Variants in SUMF1 observed in about 807,000 individuals in gnomAD.
The protein encoded by SUMF1 is sulfatase modifying factor 1.
A neutral mutation model predicts 47.6 loss-of-function variants in SUMF1; 48 were observed. The observed-to-expected ratio is 1.01, with a 90% CI of 0.80 to 1.28. The LOEUF is 1.28. SUMF1 is among the 50% of genes most tolerant of loss of function. The pLI is 0.00. For synonymous variants in SUMF1, 230 were observed against 192.1 expected (o/e 1.20, Z -1.63); for missense variants, 571 against 485.4 (o/e 1.18, Z -1.66).
intron 7 of SUMF1, among the ~76,000 whole-genome samples, chr3:4,404,653 AC>A (rs1481042225): frequency 1.3e-5 from 2 of 152,182 alleles, no homozygotes; most frequent in African/African-American, 4.8e-5. Flanking sequence ...AATCCCAGCT[AC>A]TTGCGAGGCT....
At chr3:4,392,615 G>GTGTATA (rs1433132957) in intron 7 of SUMF1, among the ~76,000 whole-genome samples, 218 of 96,090 alleles carry the variant, frequency 2.3e-3, no homozygotes, top group African/African-American at 6.5e-3. Flanking sequence ...GTGTGTGTGT[G>GTGTATA]TATATATATA....
chr3:4,150,952 C>T lies in SUMF1; in HGVS notation c.1015-82207G>A, dbSNP rs745689245. 5.9e-5 allele frequency among the ~76,000 whole-genome samples: 9 copies of T among 151,562 alleles called. 1 individual carries two copies. The highest frequency in any genetic ancestry group is 1.5e-4 in the African/African-American group (6 of 40,876). On this transcript the variant is annotated intron_variant and NMD_transcript_variant, in intron 8 of 12. Transcript: ENST00000448413. ...GCCAGCAAACTCTTTCTGCTCTCTT[C>T]GAAAGTGACAGACTATTTCCTCTGG...
At chr3:4,047,041 G>C (rs982680351) in intron 9 of SUMF1, among the ~76,000 whole-genome samples, 1 of 151,894 alleles carries the variant, frequency 6.6e-6, no homozygotes, top group African/African-American at 2.4e-5. Flanking sequence ...CACACCAAAC[G>C]TATTTCTGCC....
At chr3:4,350,592 T>G (rs977079688) in intron 8 of SUMF1, among the ~76,000 whole-genome samples, 2 of 152,118 alleles carry the variant, frequency 1.3e-5, no homozygotes, top group African/African-American at 4.8e-5. Context: ...CTAGGTATAT[T>G]AAAGCTCTGA....
At chr3:4,056,248 A>G (rs1184414739) in intron 9 of SUMF1, among the ~76,000 whole-genome samples, 1 of 152,204 alleles carries the variant, frequency 6.6e-6, no homozygotes, top group East Asian at 1.9e-4. Flanking sequence ...AAAGATTCAC[A>G]CATGTCCCAA....
intron 8 of SUMF1, among the ~76,000 whole-genome samples, chr3:4,181,810 G>A (rs766604754): frequency 9.2e-5 from 14 of 152,034 alleles, no homozygotes; most frequent in Non-Finnish European, 1.3e-4. Context: ...GCAGGCTGAC[G>A]TATGTATCAC....
chr3:4,440,035 A>C (rs1328837828), intron 3 of SUMF1, among the ~76,000 whole-genome samples: 1 of 152,058 alleles, frequency 6.6e-6, no homozygotes, highest in Non-Finnish European at 1.5e-5. Flanking sequence ...GAAATTCGAG[A>C]CCAGCCTAGC....
Position 4,308,767 on chromosome 3 carries a change from C to G in SUMF1, c.1014+67563G>C, listed in dbSNP as rs375240700. On this transcript the variant is annotated intron_variant and NMD_transcript_variant, in intron 8 of 12. Coordinates refer to the SUMF1 transcript ENST00000448413. Reference sequence around the variant, plus strand: ...TCCTGCCTGGTCTGCACACTTTGCTCTAGTCTAACCTCCTAATTGAAGACA... The same window carrying G: ...TCCTGCCTGGTCTGCACACTTTGCTGTAGTCTAACCTCCTAATTGAAGACA... Among the ~76,000 whole-genome samples the G allele has an allele frequency of 3.9e-5, 6 of 152,216 alleles. No homozygotes were observed. In the South Asian group the frequency reaches 1.2e-3, roughly 32 times the overall value.
chr3:4,331,422 T>C (rs1699049888), intron 8 of SUMF1, among the ~76,000 whole-genome samples: 1 of 152,210 alleles, frequency 6.6e-6, no homozygotes, highest in Non-Finnish European at 1.5e-5. Flanking sequence ...GTAACTCTTA[T>C]TTTTAGTGAA....
At chr3:4,089,657 T>C (rs1407486540) in intron 8 of SUMF1, among the ~76,000 whole-genome samples, 1 of 152,166 alleles carries the variant, frequency 6.6e-6, no homozygotes, top group Non-Finnish European at 1.5e-5. Flanking sequence ...CATTAAGTGA[T>C]ATACCAGAGA....
intron 8 of SUMF1, among the ~76,000 whole-genome samples, chr3:4,154,519 T>C (rs979200968): frequency 6.6e-6 from 1 of 151,590 alleles, no homozygotes; most frequent in African/African-American, 2.4e-5. Context: ...GGGACTATTA[T>C]CTCTGTTTTA....
chr3:4,039,209 A>ATTTTTTTTTTTTTTTTTT (rs775459424), intron 9 of SUMF1, among the ~76,000 whole-genome samples: 1 of 39,472 alleles, frequency 2.5e-5, no homozygotes. Context: ...ATCTATGCAA[A>ATTTTTTTTTTTTTTTTTT]TTTTTTTTTT....
intron 8 of SUMF1, among the ~76,000 whole-genome samples, chr3:4,289,151 C>T (rs1697692453): frequency 2.0e-5 from 3 of 152,140 alleles, no homozygotes; most frequent in South Asian, 4.1e-4. Flanking sequence ...TACGAGGTTT[C>T]GGGAAAATGG....
intron 8 of SUMF1, among the ~76,000 whole-genome samples, chr3:4,198,120 T>A (rs761434193): frequency 5.9e-5 from 9 of 151,978 alleles, no homozygotes; most frequent in Non-Finnish European, 1.0e-4. Context: ...AAGCAATATT[T>A]TCTCTATATT....
chr3:4,274,386 T>TA (rs1244891849), intron 8 of SUMF1, among the ~76,000 whole-genome samples: 3 of 152,152 alleles, frequency 2.0e-5, no homozygotes, highest in African/African-American at 7.2e-5. Flanking sequence ...GAAAGCATAC[T>TA]ATATTCGGCA....
At chr3:4,251,282 C>T (rs1362363435) in intron 8 of SUMF1, among the ~76,000 whole-genome samples, 2 of 152,156 alleles carry the variant, frequency 1.3e-5, no homozygotes, top group Non-Finnish European at 2.9e-5. Flanking sequence ...GAAGTGGAGC[C>T]TGAATTGCTG....
intron 8 of SUMF1, among the ~76,000 whole-genome samples, chr3:4,141,560 G>T (rs988278492): frequency 3.3e-5 from 5 of 152,054 alleles, no homozygotes; most frequent in African/African-American, 1.2e-4. Flanking sequence ...CTTCTCAGGA[G>T]GCTGAAAAAG....
chr3:4,253,933 C>G (rs575435244), intron 8 of SUMF1, among the ~76,000 whole-genome samples: 6 of 150,394 alleles, frequency 4.0e-5, no homozygotes, highest in Non-Finnish European at 4.4e-5. Context: ...GGCAGACTGC[C>G]TCCTCAAGTG....
chr3:4,426,260 G>A (rs1179392693), intron 3 of SUMF1, among the ~76,000 whole-genome samples: 2 of 152,212 alleles, frequency 1.3e-5, no homozygotes, highest in African/African-American at 4.8e-5. Flanking sequence ...AGTCACCACT[G>A]TGATGGTCAG....
Sources: gnomAD v4.1 joint callset for allele counts (sites outside exome capture counted in the v4.1 genomes callset) on GRCh38, gnomAD v4.1.1 for gene constraint, MANE v1.5 for transcripts, NCBI Gene and HGNC (gene_info 2026-07-23, HGNC 2026-07-21) for gene names.